NELL1: variants seen among roughly 807,000 people sequenced by gnomAD.
NELL1 encodes neural EGFL like 1.
NELL1 carries 76 observed loss-of-function variants against 107.4 expected under a neutral mutation model. The observed-to-expected ratio is 0.71, with a 90% CI of 0.59 to 0.86. The LOEUF (loss-of-function observed/expected upper bound fraction) is 0.86. Ranked by LOEUF, NELL1 falls within the 40% of genes least tolerant of loss-of-function variation. The probability of loss-of-function intolerance (pLI) is 0.00; values close to 1 mark genes in which losing one functional copy is unlikely to be tolerated. For synonymous variants in NELL1, 353 were observed against 341.2 expected (o/e 1.03, Z -0.38); for missense variants, 1,024 against 1,005.5 (o/e 1.02, Z -0.25).
At chr11:21,095,812 GT>G (rs1854628206) in intron 12 of NELL1, among the ~76,000 whole-genome samples, 3 of 152,064 alleles carry the variant, frequency 2.0e-5, no homozygotes, top group Admixed American at 2.0e-4. Context: ...GTTTCAGCAT[GT>G]TGGTCAGGCT....
chr11:20,851,900 CA>C (rs1176013596), intron 4 of NELL1, among the ~76,000 whole-genome samples: 1 of 152,182 alleles, frequency 6.6e-6, no homozygotes, highest in Non-Finnish European at 1.5e-5. Context: ...GCCCTGTAAG[CA>C]GGCTGATTTG....
At chr11:21,199,037 A>G (rs1857210603) in intron 13 of NELL1, among the ~76,000 whole-genome samples, 1 of 152,156 alleles carries the variant, frequency 6.6e-6, no homozygotes, top group Non-Finnish European at 1.5e-5. Flanking sequence ...GTACATGGTT[A>G]AAGTCAGTTT....
intron 14 of NELL1, among the ~76,000 whole-genome samples, chr11:21,334,151 A>T (rs1320472696): frequency 7.9e-5 from 12 of 152,066 alleles, no homozygotes; most frequent in Non-Finnish European, 1.3e-4. Context: ...CCTTCAAGGA[A>T]CGTGTGTAGA....
chr11:21,037,139 A>G lies in NELL1; in HGVS notation c.1301-76450A>G, dbSNP rs145388719. Among the ~76,000 whole-genome samples, 1,329 of 152,210 alleles carry G rather than the reference A, an allele frequency of 8.7e-3. 12 individuals carry two copies. The highest frequency in any genetic ancestry group is 0.014 in the Middle Eastern group (4 of 294). On this transcript the variant is annotated intron_variant, in intron 12 of 19. Transcript: ENST00000357134. ...GGTGATGAAAATGTTTTATATCTTC[A>G]GGGTTCATTAATAGTAGCCACTAGC...
chr11:20,921,200 C>T (rs1306068640), intron 7 of NELL1, among the ~76,000 whole-genome samples: 1 of 152,042 alleles, frequency 6.6e-6, no homozygotes, highest in Non-Finnish European at 1.5e-5. Flanking sequence ...ATAGGACATA[C>T]AAAAGTAAGT....
At chr11:20,898,116 C>T (rs1264347713) in intron 5 of NELL1, among the ~76,000 whole-genome samples, 2 of 152,280 alleles carry the variant, frequency 1.3e-5, no homozygotes, top group Admixed American at 1.3e-4. Context: ...AAGGCACATG[C>T]ACACATATGT....
intron 15 of NELL1, among the ~76,000 whole-genome samples, chr11:21,381,268 TG>T (rs1487685546): frequency 1.3e-5 from 2 of 151,986 alleles, no homozygotes; most frequent in African/African-American, 4.8e-5. Flanking sequence ...TCAACATTTT[TG>T]TGCCTAAGAC....
intron 14 of NELL1, among the ~76,000 whole-genome samples, chr11:21,242,948 A>G (rs759245675): frequency 6.6e-6 from 1 of 152,106 alleles, no homozygotes; most frequent in Non-Finnish European, 1.5e-5. Flanking sequence ...TATTACTTAC[A>G]TAACTGATTC....
At chr11:20,689,596 C>T (rs1191919061) in intron 2 of NELL1, among the ~76,000 whole-genome samples, 6 of 148,692 alleles carry the variant, frequency 4.0e-5, no homozygotes, top group African/African-American at 1.5e-4. Flanking sequence ...GCATTCATGT[C>T]CCCACAAAGG....
intron 5 of NELL1, among the ~76,000 whole-genome samples, chr11:20,889,260 TTTCACAAAAGGATAACAAACTGAAC>T (rs1306904417): frequency 2.0e-5 from 3 of 152,274 alleles, no homozygotes; most frequent in Non-Finnish European, 2.9e-5. Flanking sequence ...AACACAAATT[TTTCACAAAAGGATAACAAACTGAAC>T]AGCTGGTTTT....
chr11:21,493,646 C>T (rs1025124470), intron 15 of NELL1, among the ~76,000 whole-genome samples: 1 of 151,850 alleles, frequency 6.6e-6, no homozygotes, highest in African/African-American at 2.4e-5. Flanking sequence ...TGAATACAAA[C>T]ATATAGTTAC....
intron 5 of NELL1, among the ~76,000 whole-genome samples, chr11:20,911,751 C>T (rs1469347306): frequency 1.3e-5 from 2 of 152,174 alleles, no homozygotes; most frequent in African/African-American, 2.4e-5. Flanking sequence ...TGGAATGGCT[C>T]ATTACAAAGA....
At chr11:20,689,391 C>A (rs1854393622) in intron 2 of NELL1, among the ~76,000 whole-genome samples, 2 of 150,262 alleles carry the variant, frequency 1.3e-5, no homozygotes, top group South Asian at 4.3e-4. Flanking sequence ...CCCATTAACT[C>A]ATCATTTAGC....
At chr11:21,521,892 A>G (rs1213314900) in intron 15 of NELL1, among the ~76,000 whole-genome samples, 3 of 152,170 alleles carry the variant, frequency 2.0e-5, no homozygotes, top group African/African-American at 7.2e-5. Context: ...TTGGTCATTC[A>G]TATGTCTACT....
chr11:20,758,041 T>C (rs1272260320), intron 2 of NELL1, among the ~76,000 whole-genome samples: 1 of 152,148 alleles, frequency 6.6e-6, no homozygotes. Flanking sequence ...GGGGCCAAGC[T>C]CCCTGGTCTC....
chr11:20,885,133 C>T (rs1049507082), intron 4 of NELL1, among the ~76,000 whole-genome samples: 19 of 152,200 alleles, frequency 1.2e-4, no homozygotes, highest in African/African-American at 4.1e-4. Flanking sequence ...TCTGAGCTTT[C>T]GCACCTATAA....
At chr11:20,701,078 C>G (rs1020311122) in intron 2 of NELL1, among the ~76,000 whole-genome samples, 2 of 152,156 alleles carry the variant, frequency 1.3e-5, no homozygotes, top group Non-Finnish European at 2.9e-5. Context: ...CTTGAGGAAT[C>G]GCCACACTGT....
At chr11:21,453,958 A>C (rs1397827532) in intron 15 of NELL1, among the ~76,000 whole-genome samples, 1 of 151,094 alleles carries the variant, frequency 6.6e-6, no homozygotes, top group Non-Finnish European at 1.5e-5. Flanking sequence ...TTTAAGTTTT[A>C]GGGTACATGT....
chr11:21,028,147 T>C (rs1852864525), intron 12 of NELL1, among the ~76,000 whole-genome samples: 1 of 152,202 alleles, frequency 6.6e-6, no homozygotes, highest in African/African-American at 2.4e-5. Context: ...TCTATATTTC[T>C]GAAGGGATGT....
Sources: allele counts gnomAD v4.1 joint callset (sites outside exome capture counted in the v4.1 genomes callset), GRCh38; gene constraint gnomAD v4.1.1; transcripts MANE v1.5; gene names NCBI Gene and HGNC (gene_info 2026-07-23, HGNC 2026-07-21).